PABPN1: variants seen among roughly 807,000 people sequenced by gnomAD.
PABPN1 encodes polyadenylate-binding protein 2.
Under a neutral mutation model 33.4 loss-of-function variants are expected in PABPN1, and 5 were observed. The ratio of observed to expected loss-of-function variants is 0.15; its 90% confidence interval spans 0.08 to 0.32. The LOEUF is 0.32. Ranked by LOEUF, PABPN1 falls within the 10% of genes least tolerant of loss-of-function variation. The probability of loss-of-function intolerance (pLI) is 1.00; values close to 1 mark genes in which losing one functional copy is unlikely to be tolerated. For synonymous variants in PABPN1, 176 were observed against 170.6 expected, an observed-to-expected ratio of 1.03 and a Z score of -0.25; for missense variants, 312 against 425.8, an observed-to-expected ratio of 0.73 and a Z score of 2.35.
intron 3 of PABPN1, 65 bp downstream of exon 3, chr14:23,323,131 C>T: frequency 1.2e-6 from 2 of 1,603,564 alleles, no homozygotes; most frequent in Non-Finnish European, 1.7e-6. Flanking sequence ...ATTTAATAGT[C>T]CTGAAAGGAA....
At position 23,321,469 on chromosome 14, in the gene PABPN1, G is replaced by T. The variant is rs947151586; in HGVS notation, c.-1G>T. On this transcript the variant is annotated 5_prime_UTR_variant, in exon 1 of 7. Transcript: ENST00000216727. The stretch of plus-strand genomic sequence containing the variant: ...GGCGGCGGGCCCCAGTCTGAGCGGC[G>T]ATGGCGGCGGCGGCGGCGGCGGCAG... 7.8e-5 allele frequency: 90 copies of T among 1,158,234 alleles called. No homozygotes were observed. Among genetic ancestry groups the T allele is most frequent in the Non-Finnish European group, 8.9e-5 (84 of 942,562 alleles). 71.7% of individuals were successfully genotyped at this position (1,158,234 alleles called of 1,614,324 possible). A position where few individuals can be genotyped will look rare whatever the true frequency, so the allele number is the denominator to read the frequency against.
intron 6 of PABPN1, 54 bp from the exon 7 acceptor site, chr14:23,325,193 G>C: frequency 2.5e-6 from 4 of 1,612,986 alleles, no homozygotes; most frequent in Non-Finnish European, 3.4e-6. Flanking sequence ...GGAGGGGCTT[G>C]TACTGAACTA....
chr14:23,323,854 CAA>C, intron 4 of PABPN1, 109 bp from the exon 5 acceptor site: 1 of 1,103,998 alleles, frequency 9.1e-7, no homozygotes, highest in Non-Finnish European at 1.3e-6. Flanking sequence ...AGAATTTTGA[CAA>C]ATAAAAAATA....
At chr14:23,322,092 G>T in intron 1 of PABPN1, 89 bp from the exon 2 acceptor site, 1 of 1,390,512 alleles carries the variant, frequency 7.2e-7, no homozygotes, top group Non-Finnish European at 1.0e-6. Context: ...GCCGAGCATG[G>T]CTGAGGCCGC....
chr14:23,322,104 C>G (rs1308406486), intron 1 of PABPN1, 77 bp from the exon 2 acceptor site: 1 of 1,462,724 alleles, frequency 6.8e-7, no homozygotes, highest in Non-Finnish European at 9.4e-7. Context: ...TGAGGCCGCG[C>G]TCTGGCCGAG....
rs1001122950 is a variant in PABPN1 at position 23,325,110 on chromosome 14, G to C, written c.882-137G>C. The C allele has an allele frequency of 1.8e-5, 20 of 1,140,072 alleles. No homozygotes were observed. The African/African-American group carries it at 3.0e-4, about 17-fold the overall frequency. 70.6% of individuals were successfully genotyped at this position (1,140,072 alleles called of 1,614,324 possible). The stretch of plus-strand genomic sequence containing the variant: ...GTGCGTTACTATTTCTGGGATCATG[G>C]GGTCAGTTTTAGGACACTTGAACAC... On this transcript the variant is annotated intron_variant, in intron 6 of 6. Transcript: ENST00000216727.
chr14:23,325,158 C>T, intron 6 of PABPN1, 89 bp from the exon 7 acceptor site: 1 of 1,563,018 alleles, frequency 6.4e-7, no homozygotes, highest in Non-Finnish European at 8.8e-7. Context: ...CTTCCCTTCA[C>T]AGTAACTGGG....
chr14:23,323,795 A>G (rs1201058809), intron 4 of PABPN1, among the ~76,000 whole-genome samples, 170 bp from the exon 5 acceptor site: 13 of 152,236 alleles, frequency 8.5e-5, no homozygotes, highest in Non-Finnish European at 1.9e-4. Context: ...GAGTAGCTGG[A>G]AATTTTAAAA....
chr14:23,325,588 C>G lies in PABPN1; in HGVS notation c.*302C>G. 1 of 388,100 alleles carries G rather than the reference C, an allele frequency of 2.6e-6. No homozygotes were observed. Among genetic ancestry groups the G allele is most frequent in the Admixed American group, 4.1e-5 (1 of 24,438 alleles). 24.0% of individuals were successfully genotyped at this position (388,100 alleles called of 1,614,324 possible). A position where few individuals can be genotyped will look rare whatever the true frequency, so the allele number is the denominator to read the frequency against. Reference sequence around the variant, plus strand: ...GCCCATGTTTCCCTGCCCCACTTCACCCCCTTGGGGGCTGCTCAAGGGTAG... The same window carrying G: ...GCCCATGTTTCCCTGCCCCACTTCAGCCCCTTGGGGGCTGCTCAAGGGTAG... On this transcript the variant is annotated 3_prime_UTR_variant, in exon 7 of 7. Coordinates refer to ENST00000216727, the MANE Select transcript of PABPN1 (RefSeq NM_004643.4).
At chr14:23,325,215 C>T (rs201787530) in intron 6 of PABPN1, 32 bp from the exon 7 acceptor site, 3 of 1,613,336 alleles carry the variant, frequency 1.9e-6, no homozygotes, top group African/African-American at 2.7e-5. Context: ...CTAGTGATCA[C>T]GTTAACACCT....
At chr14:23,322,700 T>C (rs899308142) in intron 2 of PABPN1, 3 of 484,926 alleles carry the variant, frequency 6.2e-6, no homozygotes, top group African/African-American at 3.9e-5. Context: ...CCCACTTAAT[T>C]TTGCTCACTC....
Position 23,322,229 on chromosome 14 carries a change from G to A in PABPN1, c.400G>A (p.Glu134Lys). Reference protein sequence around the residue: ...ARVREMEEEAEKLKELQNEVE... With the variant: ...ARVREMEEEAKKLKELQNEVE... Reference sequence around the variant, plus strand: ...AGTCAGGGAGATGGAGGAAGAAGCTGAGAAGCTAAAGGAGCTACAGAACGA... The same window carrying A: ...AGTCAGGGAGATGGAGGAAGAAGCTAAGAAGCTAAAGGAGCTACAGAACGA... The change falls in exon 2 of 7, where the codon GAG (glutamate) becomes AAG (lysine). Residue 134 changes from glutamate (E) to lysine (K), a missense_variant. Transcript: ENST00000216727. The A allele has an allele frequency of 6.2e-7, 1 of 1,611,088 alleles. No individual in the cohort carries two copies. Among genetic ancestry groups the A allele is most frequent in the Non-Finnish European group, 8.5e-7 (1 of 1,178,656 alleles).
At position 23,321,688 on chromosome 14, in the gene PABPN1, G is replaced by A; in HGVS notation, c.219G>A (p.Glu73=). 1 of 1,529,630 alleles carries A rather than the reference G, an allele frequency of 6.5e-7. No individual in the cohort carries two copies. The highest frequency in any genetic ancestry group is 1.4e-5 in the African/African-American group (1 of 72,096). 94.8% of individuals were successfully genotyped at this position (1,529,630 alleles called of 1,614,324 possible). A position where few individuals can be genotyped will look rare whatever the true frequency, so the allele number is the denominator to read the frequency against. The change falls in exon 1 of 7, where the codon GAG becomes GAA. Residue 73 remains glutamate, a synonymous_variant. Transcript: ENST00000216727. ...AGCCGGAGCCCGAGCCCGAAGAGGA[G>A]CCGCCCCGGCCCCGCGCCCCCCCGG... The part of the protein sequence containing the change: ...EPEPEPEPEE[E]PPRPRAPPGA...
rs778590544 is a variant in PABPN1 at position 23,322,131 on chromosome 14, T to G, written c.352-50T>G. 1.7e-5 allele frequency: 26 copies of G among 1,549,464 alleles called. 1 individual carries two copies. In the South Asian group the frequency reaches 3.0e-4, roughly 18 times the overall value. On this transcript the variant is annotated intron_variant, in intron 1 of 6. Transcript: ENST00000216727. Reference sequence around the variant, plus strand: ...CTGGCCGAGAGCAGGGCACAGCCCCTGCGTTGGTTCCTCTTAAGCTGTCCT... The same window carrying G: ...CTGGCCGAGAGCAGGGCACAGCCCCGGCGTTGGTTCCTCTTAAGCTGTCCT...
At chr14:23,325,103 G>T in intron 6 of PABPN1, 144 bp from the exon 7 acceptor site, 1 of 1,090,620 alleles carries the variant, frequency 9.2e-7, no homozygotes, top group Non-Finnish European at 1.3e-6. Flanking sequence ...CTATTTCTGG[G>T]ATCATGGGGT....
Position 23,321,602 on chromosome 14 carries a change from G to A in PABPN1, c.133G>A (p.Asp45Asn). Residue 45 changes from aspartate to asparagine, a missense_variant, in exon 1 of 7, where the codon GAC becomes AAC. Transcript: ENST00000216727. ...GGAGGGGGCCCCGGGGGGCGCAGGG[G>A]ACTACGGGAACGGCCTGGAGTCTGA... ...AGEGAPGGAG[D>N]YGNGLESEEL... The A allele has an allele frequency of 2.0e-6, 3 of 1,506,898 alleles. No homozygotes were observed. The highest frequency in any genetic ancestry group is 2.7e-6 in the Non-Finnish European group (3 of 1,120,760). 93.3% of individuals were successfully genotyped at this position (1,506,898 alleles called of 1,614,324 possible). A position where few individuals can be genotyped will look rare whatever the true frequency, so the allele number is the denominator to read the frequency against.
At chr14:23,324,383 C>G in intron 6 of PABPN1, 94 bp downstream of exon 6, 1 of 1,314,394 alleles carries the variant, frequency 7.6e-7, no homozygotes, top group Non-Finnish European at 1.0e-6. Context: ...TCCCCCCACC[C>G]CTCCCCGTGG....
rs1401656265 is a variant in PABPN1, at chr14:23,321,490, G to GGCA, written c.30_32dup (p.Ala11dup). The GGCA allele has an allele frequency of 4.8e-4, 573 of 1,198,220 alleles. No individual in the cohort carries two copies. The highest frequency in any genetic ancestry group is 1.1e-3 in the East Asian group (30 of 27,798). 74.2% of individuals were successfully genotyped at this position (1,198,220 alleles called of 1,614,324 possible). ...CGGCGATGGCGGCGGCGGCGGCGGCGGCAGCAGCAGCGGGGGCTGCGGGCG... is the reference window on the plus strand; with the variant it reads ...CGGCGATGGCGGCGGCGGCGGCGGCGGCAGCAGCAGCAGCGGGGGCTGCGGGCG... On this transcript the variant is annotated inframe_insertion, in exon 1 of 7. Coordinates refer to ENST00000216727, the MANE Select transcript of PABPN1 (RefSeq NM_004643.4).
In PABPN1 at chr14:23,325,437, T is replaced by G; in HGVS notation, c.*151T>G. 8,315 of 680,814 alleles carry G rather than the reference T, an allele frequency of 0.012. No homozygotes were observed. The highest frequency in any genetic ancestry group is 0.017 in the Non-Finnish European group (7,449 of 440,998). The allele number at this position is 680,814 out of a possible 1,614,324, so 42.2% of individuals were successfully genotyped here. ...AGATATACTGTGGAAGGGGGGAGAA[T>G]CCCATAACTAACTGCTGAGGAGGGA... is the stretch of plus-strand genomic sequence containing the variant. On this transcript the variant is annotated 3_prime_UTR_variant, in exon 7 of 7. Coordinates refer to ENST00000216727, the MANE Select transcript of PABPN1 (RefSeq NM_004643.4).
Sources: allele counts gnomAD v4.1 joint callset (sites outside exome capture counted in the v4.1 genomes callset), GRCh38; gene constraint gnomAD v4.1.1; transcripts MANE v1.5; gene names NCBI Gene and HGNC (gene_info 2026-07-23, HGNC 2026-07-21).